The following AGBL1 variants were observed in gnomAD, a reference collection of about 807,000 sequenced individuals.
AGBL1 encodes AGBL carboxypeptidase 1.
In AGBL1, 130 loss-of-function variants were observed where a neutral mutation model predicts 118.9. That is an observed-to-expected ratio of 1.09 (90% CI 0.95 to 1.26). AGBL1 has a LOEUF of 1.26. Ranked by LOEUF, AGBL1 falls within the 50% of genes most tolerant of loss-of-function variation. The pLI, the probability that AGBL1 is intolerant of heterozygous loss-of-function variation, is 0.00. For synonymous variants in AGBL1, 555 were observed against 478.9 expected (o/e 1.16, Z -2.08); for missense variants, 1,584 against 1,298.1 (o/e 1.22, Z -3.38).
intron 24 of AGBL1, among the ~76,000 whole-genome samples, chr15:87,011,263 G>A (rs1338393156): frequency 6.6e-6 from 1 of 152,190 alleles, no homozygotes; most frequent in Non-Finnish European, 1.5e-5. Flanking sequence ...CTGAGTACCT[G>A]AATGGTTGCA....
chr15:86,107,137 A>G (rs1330176308), intron 1 of AGBL1, among the ~76,000 whole-genome samples: 2 of 152,250 alleles, frequency 1.3e-5, no homozygotes, highest in African/African-American at 4.8e-5. Flanking sequence ...GCACACCAAG[A>G]TCCATGGAAG....
Position 86,262,820 on chromosome 15 carries a change from C to G in AGBL1, c.1012C>G (p.Pro338Ala), listed in dbSNP as rs2079013919. ...ETDVNKLSSK[P>A]GLDRPEEELM... ...AGACGTGAACAAGCTGAGTTCCAAA[C>G]CTGGTCTTGACCGACCTGAAGAGGA... The change falls in exon 10 of 23, where the codon CCT (proline) becomes GCT (alanine). Residue 338 changes from proline (P) to alanine (A), a missense_variant. Physicochemically the swap from Pro to Ala is conservative, Grantham distance 27. Transcript: ENST00000614907. The G allele has an allele frequency of 3.1e-6, 5 of 1,611,210 alleles. No homozygotes were observed. The highest frequency in any genetic ancestry group is 4.2e-6 in the Non-Finnish European group (5 of 1,178,748).
intron 4 of AGBL1, among the ~76,000 whole-genome samples, chr15:86,157,269 T>A (rs2077205229): frequency 6.6e-6 from 1 of 152,126 alleles, no homozygotes; most frequent in Non-Finnish European, 1.5e-5. Context: ...AAAGGCTGAG[T>A]AGATTTGCAT....
At chr15:86,488,514 G>A (rs568602913) in intron 18 of AGBL1, among the ~76,000 whole-genome samples, 18 of 151,922 alleles carry the variant, frequency 1.2e-4, no homozygotes, top group Admixed American at 7.2e-4. Flanking sequence ...ACTCAGATGC[G>A]GTCCTAAGAT....
rs551027486 is a variant in AGBL1, at chr15:86,934,495, G to T, written c.3222-53492G>T. The stretch of plus-strand genomic sequence containing the variant: ...TTCTGTGCTTACAGACTTCCTCCTT[G>T]CTATTATCTTATTTCTCCATTTCAA... On this transcript the variant is annotated intron_variant, in intron 23 of 24. Transcript: ENST00000441037. Among the ~76,000 whole-genome samples the T allele has an allele frequency of 4.6e-4, 70 of 151,190 alleles. 1 individual carries two copies. The South Asian group carries it at 9.0e-3, about 20-fold the overall frequency.
chr15:86,558,572 C>G (rs895123784), intron 21 of AGBL1, among the ~76,000 whole-genome samples: 4 of 152,302 alleles, frequency 2.6e-5, no homozygotes, highest in Admixed American at 2.6e-4. Context: ...CTCAGCATCT[C>G]AGAGGCTGTT....
chr15:86,456,941 A>G (rs2082267574), intron 18 of AGBL1, among the ~76,000 whole-genome samples: 1 of 152,236 alleles, frequency 6.6e-6, no homozygotes, highest in African/African-American at 2.4e-5. Context: ...TTCTGAAGAC[A>G]GATACATTTA....
intron 1 of AGBL1, among the ~76,000 whole-genome samples, chr15:86,085,880 A>G (rs1895612790): frequency 6.6e-6 from 1 of 152,254 alleles, no homozygotes; most frequent in African/African-American, 2.4e-5. Context: ...TGAATTAACC[A>G]GAGTTGAGTC....
intron 21 of AGBL1, among the ~76,000 whole-genome samples, chr15:86,593,921 ATT>A (rs560172850): frequency 2.1e-5 from 3 of 143,888 alleles, no homozygotes; most frequent in Admixed American, 7.0e-5. Context: ...ACACTGATTG[ATT>A]TTTTTTTTTT....
intron 23 of AGBL1, among the ~76,000 whole-genome samples, chr15:86,921,384 G>T (rs1178649957): frequency 6.6e-6 from 1 of 152,012 alleles, no homozygotes; most frequent in East Asian, 1.9e-4. Flanking sequence ...ATTTGGTCGG[G>T]GTCCAAGTTT....
chr15:86,471,652 T>C (rs1257252518), intron 18 of AGBL1, among the ~76,000 whole-genome samples: 1 of 152,134 alleles, frequency 6.6e-6, no homozygotes, highest in African/African-American at 2.4e-5. Flanking sequence ...GAGGACAGAG[T>C]ATTACAGTGG....
chr15:86,952,465 G>A (rs1157202887), intron 23 of AGBL1, among the ~76,000 whole-genome samples: 2 of 152,040 alleles, frequency 1.3e-5, no homozygotes, highest in Non-Finnish European at 2.9e-5. Context: ...TGATATAACT[G>A]TAATTAAAAC....
intron 21 of AGBL1, among the ~76,000 whole-genome samples, chr15:86,635,586 T>A (rs2142450624): frequency 6.6e-6 from 1 of 152,034 alleles, no homozygotes; most frequent in Non-Finnish European, 1.5e-5. Context: ...ATTTGAGAGT[T>A]GTCTTGTGTT....
At chr15:86,879,206 C>T (rs2079856343) in intron 22 of AGBL1, among the ~76,000 whole-genome samples, 1 of 152,220 alleles carries the variant, frequency 6.6e-6, no homozygotes, top group Admixed American at 6.5e-5. Context: ...ACTCCTTCCT[C>T]CTGTTTTGCA....
At chr15:86,420,300 T>A (rs145599691) in intron 18 of AGBL1, among the ~76,000 whole-genome samples, 6,653 of 152,158 alleles carry the variant, frequency 0.044, 229 homozygotes, top group East Asian at 0.15. Context: ...TTCTGCAGCC[T>A]CTGCTGGTGA....
chr15:86,855,069 G>A (rs1479663775), intron 22 of AGBL1, among the ~76,000 whole-genome samples: 1 of 152,146 alleles, frequency 6.6e-6, no homozygotes, highest in African/African-American at 2.4e-5. Context: ...GGAAATATGG[G>A]GAAGAAGGAC....
intron 22 of AGBL1, among the ~76,000 whole-genome samples, chr15:86,905,884 C>T (rs2080274456): frequency 6.6e-6 from 1 of 152,140 alleles, no homozygotes. Flanking sequence ...AATATGATAA[C>T]AATTTAATGT....
chr15:86,540,050 C>A (rs918935420), intron 19 of AGBL1, among the ~76,000 whole-genome samples: 4 of 152,076 alleles, frequency 2.6e-5, no homozygotes, highest in African/African-American at 9.7e-5. Context: ...CAAACTTGGG[C>A]AAGTTACTTA....
intron 22 of AGBL1, among the ~76,000 whole-genome samples, chr15:86,812,657 G>T (rs1010366793): frequency 6.6e-6 from 1 of 152,116 alleles, no homozygotes; most frequent in Non-Finnish European, 1.5e-5. Context: ...ATAGAGCACA[G>T]TAGATCTGCA....
Sources: allele counts gnomAD v4.1 joint callset (sites outside exome capture counted in the v4.1 genomes callset), GRCh38; gene constraint gnomAD v4.1.1; transcripts MANE v1.5; gene names NCBI Gene and HGNC (gene_info 2026-07-23, HGNC 2026-07-21).